SORCS3: variants seen among roughly 807,000 people sequenced by gnomAD.
The protein encoded by SORCS3 is VPS10 domain-containing receptor SorCS3.
In SORCS3, 57 loss-of-function variants were observed where a neutral mutation model predicts 146.3. The ratio of observed to expected loss-of-function variants is 0.39; its 90% CI spans 0.31 to 0.49. The LOEUF (loss-of-function observed/expected upper bound fraction) is 0.49, where lower values mean the gene tolerates loss of function less well. Ranked by LOEUF, SORCS3 falls within the 20% of genes least tolerant of loss-of-function variation. SORCS3 has a pLI of 0.92. For synonymous variants in SORCS3, 653 were observed against 618.5 expected (o/e 1.06, Z -0.83); for missense variants, 1,341 against 1,575.5 (o/e 0.85, Z 2.52).
At chr10:104,746,611 C>T (rs2016914940) in intron 1 of SORCS3, among the ~76,000 whole-genome samples, 1 of 152,122 alleles carries the variant, frequency 6.6e-6, no homozygotes, top group Admixed American at 6.5e-5. Context: ...AAGGCTTATT[C>T]CTCCAGTCTA....
rs1387070587 is a variant in SORCS3, at chr10:104,641,456, C to G, written c.129C>G (p.Pro43=). The G allele has an allele frequency of 1.4e-6, 2 of 1,468,360 alleles. No homozygotes were observed. The highest frequency in any genetic ancestry group is 6.0e-5 in the East Asian group (2 of 33,418). The allele number at this position is 1,468,360 out of a possible 1,614,324, so 91.0% of individuals were successfully genotyped here. The change falls in exon 1 of 27, where the codon CCC becomes CCG. Residue 43 remains proline (P), a synonymous_variant. Coordinates refer to ENST00000369701, the MANE Select transcript of SORCS3 (RefSeq NM_014978.3). The surrounding 1 kb of genome is among the most constrained non-coding windows in gnomAD (Gnocchi z 6.4). ...AEITWDATGG[P]GRPAAPASRP... ...TCACTTGGGACGCGACAGGCGGTCC[C>G]GGACGCCCGGCGGCCCCGGCTTCGC...
At chr10:104,722,511 T>C (rs2016562460) in intron 1 of SORCS3, among the ~76,000 whole-genome samples, 1 of 152,212 alleles carries the variant, frequency 6.6e-6, no homozygotes, top group Non-Finnish European at 1.5e-5. Flanking sequence ...TTAGGGAGGA[T>C]TCCCTCTTTT....
chr10:104,818,087 C>A (rs61278749), intron 1 of SORCS3, among the ~76,000 whole-genome samples: 15,951 of 152,180 alleles, frequency 0.1, 1,045 homozygotes, highest in Middle Eastern at 0.13. Flanking sequence ...TCTGTATACA[C>A]ACACACCTGT....
intron 12 of SORCS3, among the ~76,000 whole-genome samples, chr10:105,166,465 C>T (rs764684685): frequency 1.3e-5 from 2 of 152,162 alleles, no homozygotes; most frequent in African/African-American, 4.8e-5. Context: ...AAAGTCATAT[C>T]TGGTATAAGC....
intron 1 of SORCS3, among the ~76,000 whole-genome samples, chr10:104,644,236 A>G (rs1045032317): frequency 6.6e-6 from 1 of 152,236 alleles, no homozygotes; most frequent in Non-Finnish European, 1.5e-5. Context: ...CCCATGCAAG[A>G]GCACCACAGG....
At chr10:104,760,458 A>T (rs1201847306) in intron 1 of SORCS3, among the ~76,000 whole-genome samples, 1 of 152,182 alleles carries the variant, frequency 6.6e-6, no homozygotes, top group Non-Finnish European at 1.5e-5. Context: ...CAATTCAGAG[A>T]CACCAAGTCA....
chr10:104,670,806 C>T (rs1387281857), intron 1 of SORCS3, among the ~76,000 whole-genome samples: 1 of 152,168 alleles, frequency 6.6e-6, no homozygotes, highest in Non-Finnish European at 1.5e-5. Flanking sequence ...GTCTCTCGTT[C>T]ATGAACATGG....
intron 1 of SORCS3, among the ~76,000 whole-genome samples, chr10:104,839,112 C>A (rs149196714): frequency 6.6e-6 from 1 of 152,130 alleles, no homozygotes; most frequent in Non-Finnish European, 1.5e-5. Flanking sequence ...TACTCAAAAG[C>A]GATTATTGTA....
intron 20 of SORCS3, among the ~76,000 whole-genome samples, chr10:105,232,587 T>A (rs2056771649): frequency 6.7e-6 from 1 of 148,872 alleles, no homozygotes; most frequent in African/African-American, 2.5e-5. Context: ...TACCTTGGAG[T>A]TTTTTTTTTC....
intron 2 of SORCS3, among the ~76,000 whole-genome samples, chr10:104,844,449 G>A (rs1294394959): frequency 2.0e-5 from 3 of 152,134 alleles, no homozygotes; most frequent in Admixed American, 1.3e-4. Flanking sequence ...GGCAAGTATA[G>A]GAACCTAGGC....
chr10:105,009,813 G>C (rs1180863466), intron 4 of SORCS3, among the ~76,000 whole-genome samples: 1 of 151,838 alleles, frequency 6.6e-6, no homozygotes, highest in East Asian at 1.9e-4. Context: ...GTACAACAGG[G>C]CCCTGGCTGG....
intron 16 of SORCS3, 57 bp from the exon 17 acceptor site, chr10:105,211,080 C>A: frequency 2.5e-6 from 3 of 1,191,136 alleles, no homozygotes; most frequent in South Asian, 2.5e-5. Context: ...TGTGTGCCTG[C>A]GGTTATTTTA....
intron 7 of SORCS3, among the ~76,000 whole-genome samples, chr10:105,121,983 G>A (rs529064830): frequency 3.9e-5 from 6 of 152,262 alleles, no homozygotes; most frequent in Admixed American, 2.6e-4. Context: ...GAGCTGTTGA[G>A]TCATGACCTC....
At chr10:104,677,848 T>C (rs1449968817) in intron 1 of SORCS3, among the ~76,000 whole-genome samples, 1 of 152,066 alleles carries the variant, frequency 6.6e-6, no homozygotes, top group Non-Finnish European at 1.5e-5. Context: ...CCTGGAAACA[T>C]AGGGGGTGAA....
chr10:105,151,063 G>A (rs1189930095), intron 9 of SORCS3, among the ~76,000 whole-genome samples: 3 of 152,160 alleles, frequency 2.0e-5, no homozygotes, highest in Non-Finnish European at 4.4e-5. Context: ...ATAATTACTG[G>A]AATGATACAA....
chr10:105,133,523 C>A (rs1339007791), intron 7 of SORCS3, among the ~76,000 whole-genome samples: 2 of 152,166 alleles, frequency 1.3e-5, no homozygotes, highest in African/African-American at 4.8e-5. Flanking sequence ...TGATGTTGGG[C>A]AAATTAGTTG....
chr10:104,918,715 T>G (rs568505000), intron 3 of SORCS3, among the ~76,000 whole-genome samples: 1 of 152,262 alleles, frequency 6.6e-6, no homozygotes, highest in South Asian at 2.1e-4. Context: ...GCATACTGGA[T>G]CTCAGTGGGC....
rs867071403 is a variant in SORCS3 at position 105,047,851 on chromosome 10, T to C, written c.1028+4723T>C. Reference sequence around the variant, plus strand: ...AGGCCATGAGGGAAGGGAGGAAGAATGGAAAAACAAAGTGTGTCCCTCCTG... The same window carrying C: ...AGGCCATGAGGGAAGGGAGGAAGAACGGAAAAACAAAGTGTGTCCCTCCTG... On this transcript the variant is annotated intron_variant, in intron 5 of 26. Coordinates refer to ENST00000369701, the MANE Select transcript of SORCS3 (RefSeq NM_014978.3). Among the ~76,000 whole-genome samples the C allele has an allele frequency of 2.6e-5, 4 of 152,032 alleles. No homozygotes were observed. The South Asian group carries it at 8.3e-4, about 32-fold the overall frequency.
intron 3 of SORCS3, among the ~76,000 whole-genome samples, chr10:104,942,608 T>A (rs1223458121): frequency 6.6e-6 from 1 of 152,212 alleles, no homozygotes; most frequent in Non-Finnish European, 1.5e-5. Flanking sequence ...CAAATTGGGT[T>A]TATTTTAGGA....
Sources: gnomAD v4.1 joint callset for allele counts (sites outside exome capture counted in the v4.1 genomes callset) on GRCh38, gnomAD v4.1.1 for gene constraint, Gnocchi (gnomAD v3.1) non-coding constraint, MANE v1.5 for transcripts, NCBI Gene and HGNC (gene_info 2026-07-23, HGNC 2026-07-21) for gene names.